Variants in TRERF1 observed in about 807,000 individuals in gnomAD.
TRERF1 encodes the protein transcriptional regulating factor 1, also known as transcriptional-regulating factor 1.
TRERF1 carries 27 observed loss-of-function variants against 122.9 expected under a neutral mutation model. That is an observed-to-expected ratio of 0.22 (90% CI 0.16 to 0.30). TRERF1 has a LOEUF of 0.30. Ranked by LOEUF, TRERF1 falls within the 10% of genes least tolerant of loss-of-function variation. TRERF1 has a pLI of 1.00. For missense variants in TRERF1, 1,248 were observed against 1,560.3 expected, an observed-to-expected ratio of 0.80 and a Z score of 3.37; for synonymous variants, 636 against 641.7, an observed-to-expected ratio of 0.99 and a Z score of 0.13.
At chr6:42,356,228 A>G (rs1770509655) in intron 3 of TRERF1, among the ~76,000 whole-genome samples, 1 of 152,224 alleles carries the variant, frequency 6.6e-6, no homozygotes, top group African/African-American at 2.4e-5. Context: ...CAGGCACCAC[A>G]AATAAAGACT....
At chr6:42,265,831 G>T (rs1424425494) in intron 5 of TRERF1, 34 bp from the exon 6 acceptor site, 15 of 1,608,760 alleles carry the variant, frequency 9.3e-6, no homozygotes, top group Non-Finnish European at 1.3e-5. Flanking sequence ...CCGAAAAAAA[G>T]AAGAGAAAAA....
intron 3 of TRERF1, among the ~76,000 whole-genome samples, chr6:42,311,555 G>A (rs1761638353): frequency 6.6e-6 from 1 of 152,158 alleles, no homozygotes; most frequent in African/African-American, 2.4e-5. Flanking sequence ...ACAAGGTCAG[G>A]AGATCGAGAC....
Position 42,407,441 on chromosome 6 carries a change from G to A in TRERF1, c.-454+43736C>T, listed in dbSNP as rs986780133. ...ACATTCTGCAGAGATGGGACAAAAC[G>A]AGGGAGAGTGGGCAAGGGGCTCCAG... is the stretch of plus-strand genomic sequence containing the variant. On this transcript the variant is annotated intron_variant, in intron 2 of 17. Transcript: ENST00000372922. Among the ~76,000 whole-genome samples the A allele has an allele frequency of 9.8e-5, 15 of 152,306 alleles. No homozygotes were observed. In the East Asian group the frequency reaches 2.1e-3, roughly 22 times the overall value.
At chr6:42,310,046 A>G (rs1295750338) in intron 3 of TRERF1, among the ~76,000 whole-genome samples, 1 of 152,110 alleles carries the variant, frequency 6.6e-6, no homozygotes, top group Non-Finnish European at 1.5e-5. Flanking sequence ...TACAAGCATA[A>G]GCCCCCGCAC....
intron 2 of TRERF1, among the ~76,000 whole-genome samples, chr6:42,446,877 C>T (rs1350054631): frequency 6.6e-6 from 1 of 152,106 alleles, no homozygotes; most frequent in Non-Finnish European, 1.5e-5. Context: ...TGGTGGTGCA[C>T]GCCTGTAATC....
At chr6:42,267,430 C>T (rs1779409797) in intron 5 of TRERF1, among the ~76,000 whole-genome samples, 1 of 152,122 alleles carries the variant, frequency 6.6e-6, no homozygotes, top group South Asian at 2.1e-4. Flanking sequence ...GAGTTTGAGA[C>T]CAGCCTGACC....
intron 14 of TRERF1, among the ~76,000 whole-genome samples, 180 bp downstream of exon 14, chr6:42,246,276 C>T (rs983703288): frequency 2.0e-5 from 3 of 152,204 alleles, no homozygotes; most frequent in African/African-American, 7.2e-5. Flanking sequence ...TGTCCTCTCC[C>T]TGCCACAGTC....
chr6:42,264,827 C>T (rs535356297), exon 7 of TRERF1: 38 of 1,614,212 alleles, frequency 2.4e-5, no homozygotes, highest in Non-Finnish European at 3.0e-5. Context: ...CATCAAACTG[C>T]TCCCCAAACG....
chr6:42,264,685 G>A lies in TRERF1; in HGVS notation c.1635+19C>T. On this transcript the variant is annotated intron_variant, in intron 7 of 17. Transcript: ENST00000372922. ...GCAGCACACGACCTAGAAAGGACCG[G>A]GAACTGGCTCCTGCTAACCTGTTTG... The A allele has an allele frequency of 6.2e-7, 1 of 1,612,472 alleles. No homozygotes were observed. Among genetic ancestry groups the A allele is most frequent in the Non-Finnish European group, 8.5e-7 (1 of 1,179,288 alleles).
intron 13 of TRERF1, among the ~76,000 whole-genome samples, chr6:42,253,512 T>A (rs578250894): frequency 2.6e-5 from 4 of 152,128 alleles, no homozygotes; most frequent in Non-Finnish European, 4.4e-5. Flanking sequence ...AACTCCTACA[T>A]CTTTTTACCC....
chr6:42,325,460 G>A (rs1424040475), intron 3 of TRERF1, among the ~76,000 whole-genome samples: 1 of 152,154 alleles, frequency 6.6e-6, no homozygotes, highest in Non-Finnish European at 1.5e-5. Context: ...CAACTCATAT[G>A]TTCACTGCAG....
intron 2 of TRERF1, among the ~76,000 whole-genome samples, chr6:42,414,651 T>C (rs533287167): frequency 8.5e-5 from 13 of 152,366 alleles, no homozygotes; most frequent in Non-Finnish European, 1.8e-4. Context: ...CAGTTCACAT[T>C]TGTGAATACA....
chr6:42,280,453 A>G (rs554133103), intron 4 of TRERF1, among the ~76,000 whole-genome samples: 1 of 152,156 alleles, frequency 6.6e-6, no homozygotes, highest in East Asian at 1.9e-4. Context: ...TCGCTTGCTC[A>G]CTTGCTCGTC....
chr6:42,423,317 G>A (rs1053126750), intron 2 of TRERF1, among the ~76,000 whole-genome samples: 3 of 152,186 alleles, frequency 2.0e-5, no homozygotes, highest in East Asian at 1.9e-4. Flanking sequence ...TAAGAAGAGC[G>A]AAAGTGAGGA....
chr6:42,411,984 A>AT (rs1208360693), intron 2 of TRERF1, among the ~76,000 whole-genome samples: 3 of 137,122 alleles, frequency 2.2e-5, no homozygotes, highest in Admixed American at 7.9e-5. Context: ...AATTATTTGA[A>AT]TTTTTTTAAA....
At chr6:42,245,364 C>T (rs898831032) in intron 14 of TRERF1, among the ~76,000 whole-genome samples, 1 of 152,272 alleles carries the variant, frequency 6.6e-6, no homozygotes, top group Admixed American at 6.5e-5. Flanking sequence ...GCTTTTCACA[C>T]TTGCCCAGGC....
At chr6:42,363,140 T>C (rs899965840) in intron 2 of TRERF1, 61 bp from the exon 3 acceptor site, 2 of 152,140 alleles carry the variant, frequency 1.3e-5, no homozygotes, top group Non-Finnish European at 2.9e-5. Flanking sequence ...GAACAGTGAG[T>C]ATCAATCAGG....
At chr6:42,431,070 A>G (rs975887239) in intron 2 of TRERF1, among the ~76,000 whole-genome samples, 6 of 151,866 alleles carry the variant, frequency 4.0e-5, no homozygotes, top group African/African-American at 9.7e-5. Context: ...AAAAAAAAAA[A>G]AAAAGAAAAG....
intron 3 of TRERF1, among the ~76,000 whole-genome samples, chr6:42,360,819 T>G (rs1315231467): frequency 7.5e-6 from 1 of 132,470 alleles, no homozygotes; most frequent in Non-Finnish European, 1.6e-5. Flanking sequence ...TGGTTTAGGA[T>G]ACTGCTGAGC....
Sources: allele counts gnomAD v4.1 joint callset (sites outside exome capture counted in the v4.1 genomes callset), GRCh38; gene constraint gnomAD v4.1.1; transcripts MANE v1.5; gene names NCBI Gene and HGNC (gene_info 2026-07-23, HGNC 2026-07-21).